The following MIPOL1 variants were observed in gnomAD, a reference collection of about 807,000 sequenced individuals.
MIPOL1 encodes the protein mirror-image polydactyly 1.
In MIPOL1, 57 loss-of-function variants were observed where a neutral mutation model predicts 60.9. The observed-to-expected ratio is 0.94, with a 90% CI of 0.76 to 1.17. The LOEUF is 1.17. Among genes scored for constraint, MIPOL1 ranks in the 50% most tolerant of loss-of-function variants. The probability of loss-of-function intolerance (pLI) is 0.00; values close to 1 mark genes in which losing one functional copy is unlikely to be tolerated. For synonymous variants in MIPOL1, 179 were observed against 168.8 expected (o/e 1.06, Z -0.47); for missense variants, 551 against 511.6 (o/e 1.08, Z -0.74).
chr14:37,200,891 TGTGTGTGTA>T (rs1157759545), intron 1 of MIPOL1, among the ~76,000 whole-genome samples: 3 of 104,344 alleles, frequency 2.9e-5, no homozygotes, highest in African/African-American at 1.3e-4. Flanking sequence ...TGTGTGTGTG[TGTGTGTGTA>T]TTTTTTTTTT....
At chr14:37,217,624 G>A (rs1457173842) in intron 1 of MIPOL1, among the ~76,000 whole-genome samples, 2 of 152,188 alleles carry the variant, frequency 1.3e-5, no homozygotes, top group African/African-American at 4.8e-5. Context: ...CATATGAGCA[G>A]AACGAAGGAT....
Position 37,308,519 on chromosome 14 carries a change from G to A in MIPOL1, c.828G>A (p.Lys276=), listed in dbSNP as rs751860299. The change falls in exon 9 of 13, where the codon AAG becomes AAA. Residue 276 remains lysine (K), a splice_region_variant and synonymous_variant. Coordinates refer to ENST00000684589, the MANE Select transcript of MIPOL1 (RefSeq NM_001388067.1). Reference sequence around the variant, plus strand: ...AAGAACGGGATGCTGCCTTGTCTAAGGTAACTCTGCATATATCTGTAAAAG... The same window carrying A: ...AAGAACGGGATGCTGCCTTGTCTAAAGTAACTCTGCATATATCTGTAAAAG... ...LIEERDAALS[K]CKRLEQELHH... is the part of the protein sequence containing the mutation. 2.6e-6 allele frequency: 4 copies of A among 1,566,702 alleles called. No individual in the cohort carries two copies. Among genetic ancestry groups the A allele is most frequent in the Non-Finnish European group, 2.6e-6 (3 of 1,160,958 alleles).
intron 9 of MIPOL1, among the ~76,000 whole-genome samples, chr14:37,311,579 TAC>T (rs1369387078): frequency 6.6e-6 from 1 of 152,216 alleles, no homozygotes; most frequent in Non-Finnish European, 1.5e-5. Flanking sequence ...ATTGTATACT[TAC>T]ACTTTTGAAT....
chr14:37,474,189 C>T (rs1052407454), intron 11 of MIPOL1, among the ~76,000 whole-genome samples: 2 of 152,064 alleles, frequency 1.3e-5, no homozygotes, highest in African/African-American at 4.8e-5. Context: ...TTGGTTGTTT[C>T]CAATCTAGGG....
chr14:37,411,925 A>G (rs1002049257), intron 10 of MIPOL1, among the ~76,000 whole-genome samples: 1 of 152,088 alleles, frequency 6.6e-6, no homozygotes, highest in African/African-American at 2.4e-5. Context: ...TATAGCTTAC[A>G]TATTCACTTT....
chr14:37,219,363 T>C (rs2139470938), intron 1 of MIPOL1, among the ~76,000 whole-genome samples: 1 of 152,270 alleles, frequency 6.6e-6, no homozygotes, highest in South Asian at 2.1e-4. Context: ...ATCCTTTTTA[T>C]TTATTTTTTA....
At chr14:37,356,721 C>T (rs1026622164) in intron 9 of MIPOL1, among the ~76,000 whole-genome samples, 1 of 152,242 alleles carries the variant, frequency 6.6e-6, no homozygotes, top group Admixed American at 6.5e-5. Flanking sequence ...AACTCCCTGA[C>T]CCCTTGCGCT....
intron 9 of MIPOL1, among the ~76,000 whole-genome samples, chr14:37,357,010 G>T (rs1433255350): frequency 6.6e-6 from 1 of 152,148 alleles, no homozygotes; most frequent in East Asian, 1.9e-4. Context: ...CCAGTGATCT[G>T]TTGAACACTT....
At chr14:37,292,555 A>G (rs929752879) in intron 7 of MIPOL1, among the ~76,000 whole-genome samples, 1 of 129,060 alleles carries the variant, frequency 7.7e-6, no homozygotes, top group African/African-American at 3.0e-5. Flanking sequence ...ATCTTGGCTC[A>G]CTGCAACCTC....
intron 1 of MIPOL1, among the ~76,000 whole-genome samples, chr14:37,245,719 T>A (rs1221533209): frequency 6.6e-6 from 1 of 152,134 alleles, no homozygotes; most frequent in Non-Finnish European, 1.5e-5. Context: ...TTGTGCTAAT[T>A]GCAATATTTT....
At chr14:37,484,769 A>G (rs1042785089) in intron 11 of MIPOL1, among the ~76,000 whole-genome samples, 8 of 151,942 alleles carry the variant, frequency 5.3e-5, no homozygotes, top group African/African-American at 1.7e-4. Flanking sequence ...TGTCCCTTCA[A>G]TTCTGCTATT....
chr14:37,492,085 T>C (rs1227822140), intron 11 of MIPOL1, among the ~76,000 whole-genome samples: 1 of 152,204 alleles, frequency 6.6e-6, no homozygotes, highest in Non-Finnish European at 1.5e-5. Context: ...TGTCTAATCC[T>C]TCTGCCTTGG....
rs1965481384 is a variant in MIPOL1, at chr14:37,202,404, C to T, written c.-199+4300C>T. Among the ~76,000 whole-genome samples, 4 of 151,898 alleles carry T rather than the reference C, an allele frequency of 2.6e-5. No individual in the cohort carries two copies. The South Asian group carries it at 8.3e-4, about 31-fold the overall frequency. The stretch of plus-strand genomic sequence containing the variant: ...TTCATTACACACACACACACACACA[C>T]ACAAACACACACACAATGACTAATG... On this transcript the variant is annotated intron_variant, in intron 1 of 12. Transcript: ENST00000684589.
chr14:37,292,370 C>T (rs1467533167), intron 7 of MIPOL1, among the ~76,000 whole-genome samples: 4 of 150,144 alleles, frequency 2.7e-5, no homozygotes, highest in African/African-American at 2.4e-5. Context: ...ATAGTTGTCA[C>T]ATCATTTCTT....
chr14:37,353,162 A>C (rs1454582704), intron 9 of MIPOL1, among the ~76,000 whole-genome samples: 2 of 146,034 alleles, frequency 1.4e-5, no homozygotes, highest in East Asian at 4.0e-4. Flanking sequence ...TATTGAGATA[A>C]TCATGTGGTT....
intron 10 of MIPOL1, among the ~76,000 whole-genome samples, chr14:37,412,334 A>G (rs1279589035): frequency 6.6e-6 from 1 of 152,118 alleles, no homozygotes; most frequent in Non-Finnish European, 1.5e-5. Flanking sequence ...GTATGTAAAT[A>G]ACTGTGGTGT....
At chr14:37,285,746 C>G (rs1282698100) in intron 7 of MIPOL1, among the ~76,000 whole-genome samples, 1 of 151,974 alleles carries the variant, frequency 6.6e-6, no homozygotes, top group African/African-American at 2.4e-5. Context: ...CGCCTGCCAC[C>G]AAGCCTAGCT....
At chr14:37,256,407 A>G (rs958634425) in intron 3 of MIPOL1, among the ~76,000 whole-genome samples, 5 of 151,958 alleles carry the variant, frequency 3.3e-5, no homozygotes, top group African/African-American at 1.2e-4. Context: ...TGTCCTTTCC[A>G]TGAATTATTA....
intron 10 of MIPOL1, among the ~76,000 whole-genome samples, chr14:37,417,988 T>TC (rs1258928072): frequency 2.6e-5 from 4 of 152,138 alleles, no homozygotes; most frequent in African/African-American, 9.6e-5. Context: ...AAAGTAAGGT[T>TC]CCGTATTACC....
Sources: allele counts gnomAD v4.1 joint callset (sites outside exome capture counted in the v4.1 genomes callset), GRCh38; gene constraint gnomAD v4.1.1; transcripts MANE v1.5; gene names NCBI Gene and HGNC (gene_info 2026-07-23, HGNC 2026-07-21).